Variants in GOLGA4 observed in about 807,000 individuals in gnomAD.
GOLGA4 encodes the protein golgin A4.
In GOLGA4, 169 loss-of-function variants were observed where a neutral mutation model predicts 265.9. The ratio of observed to expected loss-of-function variants is 0.64; its 90% CI spans 0.56 to 0.72. GOLGA4 has a LOEUF of 0.72. Among genes scored for constraint, GOLGA4 ranks in the 30% least tolerant of loss-of-function variants. GOLGA4 has a pLI of 0.00. For synonymous variants in GOLGA4, 923 were observed against 855.8 expected, an observed-to-expected ratio of 1.08 and a Z score of -1.37; for missense variants, 2,482 against 2,483.4, an observed-to-expected ratio of 1.00 and a Z score of 0.01.
chr3:37,337,554 G>A (rs1023893040), intron 18 of GOLGA4, 112 bp from the exon 19 acceptor site: 3 of 713,918 alleles, frequency 4.2e-6, no homozygotes, highest in Admixed American at 4.3e-5. Flanking sequence ...GGTATTCAGT[G>A]TTATAAGTTA....
Position 37,273,113 on chromosome 3 carries a change from C to A in GOLGA4, c.163-8845C>A, listed in dbSNP as rs138140853. ...CTTGCTATCAAGATATTTTTCAGAG[C>A]TTAGCCCAAATAATTTTGAGTATTA... On this transcript the variant is annotated intron_variant, in intron 2 of 23. Coordinates refer to ENST00000361924, the MANE Select transcript of GOLGA4 (RefSeq NM_002078.5). Among the ~76,000 whole-genome samples the A allele has an allele frequency of 5.3e-4, 80 of 152,228 alleles. No homozygotes were observed. The Middle Eastern group carries it at 0.017, about 32-fold the overall frequency.
chr3:37,245,495 G>C lies in GOLGA4; in HGVS notation c.72+1873G>C, dbSNP rs1454012352. The C allele has an allele frequency of 2.6e-5, 4 of 152,188 alleles. No individual in the cohort carries two copies. The East Asian group carries it at 5.8e-4, about 22-fold the overall frequency. 9.4% of individuals were successfully genotyped at this position (152,188 alleles called of 1,614,324 possible). ...TTTATATACACACATAGTAAAACTA[G>C]TTTAAGAAGAATATACTTTAAGGTG... is the stretch of plus-strand genomic sequence containing the variant. On this transcript the variant is annotated intron_variant, in intron 1 of 23. Transcript: ENST00000361924.
intron 2 of GOLGA4, among the ~76,000 whole-genome samples, chr3:37,256,470 CAA>C (rs879391061): frequency 1.5e-5 from 2 of 130,284 alleles, no homozygotes; most frequent in African/African-American, 2.9e-5. Context: ...AACTCCATCT[CAA>C]AAAAAAAAAG....
chr3:37,327,136 G>C lies in GOLGA4; in HGVS notation c.5250G>C (p.Lys1750Asn). 6.2e-7 allele frequency: 1 copy of C among 1,613,602 alleles called. No individual in the cohort carries two copies. Among genetic ancestry groups the C allele is most frequent in the Middle Eastern group, 1.6e-4 (1 of 6,062 alleles). The change falls in exon 14 of 24, where the codon AAG (lysine) becomes AAC (asparagine). Residue 1750 changes from lysine to asparagine, a missense_variant. Transcript: ENST00000361924. The part of the protein sequence containing the change: ...VLQRNLTEKE[K>N]LLQRVGQEKE... The stretch of plus-strand genomic sequence containing the variant: ...AAAGAAACTTAACTGAAAAAGAAAA[G>C]CTATTGCAGAGGGTAGGGCAGGAAA...
In GOLGA4 at chr3:37,280,408, A is replaced by G. The variant is rs537476211; in HGVS notation, c.163-1550A>G. Among the ~76,000 whole-genome samples, 263 of 152,344 alleles carry G rather than the reference A, an allele frequency of 1.7e-3. 10 individuals carry two copies. The South Asian group carries it at 0.053, about 30-fold the overall frequency. Reference sequence around the variant, plus strand: ...ACAGAAATGGTGAAAAATATGATATAAAATTACCTTCAGGCTATCTGTATA... The same window carrying G: ...ACAGAAATGGTGAAAAATATGATATGAAATTACCTTCAGGCTATCTGTATA... On this transcript the variant is annotated intron_variant, in intron 2 of 23. Coordinates refer to ENST00000361924, the MANE Select transcript of GOLGA4 (RefSeq NM_002078.5).
At chr3:37,263,168 C>T (rs1372167298) in intron 2 of GOLGA4, among the ~76,000 whole-genome samples, 1 of 152,198 alleles carries the variant, frequency 6.6e-6, no homozygotes, top group African/African-American at 2.4e-5. Context: ...TGTATTACAG[C>T]CACCTACGAT....
chr3:37,288,339 GA>G (rs1457866747), intron 4 of GOLGA4, among the ~76,000 whole-genome samples: 2 of 151,656 alleles, frequency 1.3e-5, no homozygotes, highest in African/African-American at 4.8e-5. Flanking sequence ...TCAAACTCCT[GA>G]CCTGGTGATC....
chr3:37,327,959 T>C (rs2096977359), intron 14 of GOLGA4, 134 bp downstream of exon 14: 6 of 669,434 alleles, frequency 9.0e-6, no homozygotes, highest in Admixed American at 6.6e-5. Flanking sequence ...ATAAATCCAA[T>C]ATGTTAAATA....
At chr3:37,277,043 G>A (rs1007686607) in intron 2 of GOLGA4, among the ~76,000 whole-genome samples, 9 of 151,938 alleles carry the variant, frequency 5.9e-5, no homozygotes, top group African/African-American at 2.2e-4. Flanking sequence ...ATAATTTTAG[G>A]TTTACCAAAT....
rs568764196 is a variant in GOLGA4, at chr3:37,311,272, T to C, written c.1235-4148T>C. On this transcript the variant is annotated intron_variant, in intron 10 of 23. Transcript: ENST00000361924. ...TTTCTGTGTTTGGATATTATAAATA[T>C]ATAAAATATAAATGCCTTTCCCCAC... Among the ~76,000 whole-genome samples the C allele has an allele frequency of 5.3e-5, 8 of 152,336 alleles. No homozygotes were observed. In the South Asian group the frequency reaches 1.7e-3, roughly 32 times the overall value.
intron 20 of GOLGA4, among the ~76,000 whole-genome samples, chr3:37,345,605 A>G (rs2097053704): frequency 6.6e-6 from 1 of 152,214 alleles, no homozygotes; most frequent in Non-Finnish European, 1.5e-5. Context: ...TAAGAGCTAT[A>G]AAGTCTTCTG....
chr3:37,360,322 A>AT (rs2097101148), intron 22 of GOLGA4, among the ~76,000 whole-genome samples: 5 of 151,990 alleles, frequency 3.3e-5, no homozygotes, highest in African/African-American at 1.2e-4. Context: ...TGTTTTCAAG[A>AT]TTTTCAGTAC....
intron 23 of GOLGA4, among the ~76,000 whole-genome samples, chr3:37,362,860 G>T (rs1441784570): frequency 1.4e-5 from 2 of 142,954 alleles, no homozygotes; most frequent in Non-Finnish European, 3.0e-5. Context: ...TTGGCTCACT[G>T]CAAGCCCCGC....
intron 20 of GOLGA4, among the ~76,000 whole-genome samples, chr3:37,346,460 T>C (rs1259006764): frequency 6.6e-6 from 1 of 152,160 alleles, no homozygotes; most frequent in African/African-American, 2.4e-5. Context: ...TTATCTAATA[T>C]TATTTTGAGA....
chr3:37,296,458 A>G (rs2096878587), intron 7 of GOLGA4, among the ~76,000 whole-genome samples: 1 of 152,204 alleles, frequency 6.6e-6, no homozygotes, highest in Admixed American at 6.5e-5. Context: ...ATGTGAGCTG[A>G]TAGATATGGG....
chr3:37,262,066 A>G (rs1026034052), intron 2 of GOLGA4, among the ~76,000 whole-genome samples: 1 of 152,268 alleles, frequency 6.6e-6, no homozygotes, highest in African/African-American at 2.4e-5. Context: ...TTAAAGTAAT[A>G]CAACAGTCTG....
intron 1 of GOLGA4, among the ~76,000 whole-genome samples, chr3:37,247,318 A>C (rs1476986585): frequency 6.6e-6 from 1 of 152,218 alleles, no homozygotes; most frequent in East Asian, 1.9e-4. Flanking sequence ...AGTTATGAAC[A>C]GTGAATGCCT....
chr3:37,342,014 T>C (rs2097036815), intron 20 of GOLGA4, among the ~76,000 whole-genome samples: 1 of 152,140 alleles, frequency 6.6e-6, no homozygotes, highest in Admixed American at 6.5e-5. Context: ...TGGTGCAGTA[T>C]GTACATTAAT....
chr3:37,251,575 G>A (rs2150596065), intron 2 of GOLGA4, 91 bp downstream of exon 2: 1 of 751,876 alleles, frequency 1.3e-6, no homozygotes, highest in Non-Finnish European at 2.3e-6. Context: ...ACTTTTGACA[G>A]GTCAGCTATT....
Sources: allele counts gnomAD v4.1 joint callset (sites outside exome capture counted in the v4.1 genomes callset), GRCh38; gene constraint gnomAD v4.1.1; transcripts MANE v1.5; gene names NCBI Gene and HGNC (gene_info 2026-07-23, HGNC 2026-07-21).